Variants in PI15 observed in about 807,000 individuals in gnomAD.
The protein encoded by PI15 is peptidase inhibitor 15.
Under a neutral mutation model 31.0 loss-of-function variants are expected in PI15, and 18 were observed. The observed-to-expected ratio is 0.58, with a 90% CI of 0.40 to 0.86. The LOEUF is 0.86. PI15 is among the 40% of genes least tolerant of loss of function. PI15 has a pLI of 0.00. For synonymous variants in PI15, 118 were observed against 119.1 expected, an observed-to-expected ratio of 0.99 and a Z score of 0.06; for missense variants, 282 against 328.1, an observed-to-expected ratio of 0.86 and a Z score of 1.09.
At position 74,825,529 on chromosome 8, in the gene PI15, A is replaced by G. The variant is rs1810685632; in HGVS notation, c.273+7A>G. The stretch of plus-strand genomic sequence containing the variant: ...AGCAAATATGGAATATATGGTAAGA[A>G]GAATTCTTTTTTTTTTTTTTAAGTT... On this transcript the variant is annotated splice_region_variant and intron_variant, in intron 2 of 5. Transcript: ENST00000260113. 6.3e-7 allele frequency: 1 copy of G among 1,585,218 alleles called. No homozygotes were observed. Among genetic ancestry groups the G allele is most frequent in the Admixed American group, 1.7e-5 (1 of 57,192 alleles).
intron 2 of PI15, among the ~76,000 whole-genome samples, chr8:74,832,469 G>C (rs1431568272): frequency 6.6e-6 from 1 of 151,858 alleles, no homozygotes; most frequent in Non-Finnish European, 1.5e-5. Flanking sequence ...AGACAGCATA[G>C]GTGCATTATT....
In PI15 at chr8:74,850,724, A is replaced by G. The variant is rs1343320995; in HGVS notation, c.*1471A>G. On this transcript the variant is annotated 3_prime_UTR_variant, in exon 6 of 6. Coordinates refer to ENST00000260113, the MANE Select transcript of PI15 (RefSeq NM_015886.5). ...TTATGGAAATCCATTCAAAGTCACT[A>G]TGAAAATTTTACTCATGTAGTTTGG... The G allele has an allele frequency of 6.6e-6, 1 of 152,178 alleles. No homozygotes were observed. Among genetic ancestry groups the G allele is most frequent in the African/African-American group, 2.4e-5 (1 of 41,460 alleles). The allele number at this position is 152,178 out of a possible 1,614,324, so 9.4% of individuals were successfully genotyped here.
intron 3 of PI15, 91 bp from the exon 4 acceptor site, chr8:74,845,037 T>TA: frequency 9.0e-7 from 1 of 1,106,250 alleles, no homozygotes; most frequent in Non-Finnish European, 1.3e-6. Flanking sequence ...ATGAATAATC[T>TA]GCAAAAAGAA....
intron 5 of PI15, among the ~76,000 whole-genome samples, chr8:74,848,900 A>T (rs1811064271): frequency 6.6e-6 from 1 of 151,700 alleles, no homozygotes; most frequent in African/African-American, 2.4e-5. Context: ...CGCCCAGCTA[A>T]TTTTTTGTAT....
At chr8:74,845,947 T>C (rs1264582932) in intron 5 of PI15, 1 of 158,510 alleles carries the variant, frequency 6.3e-6, no homozygotes, top group Admixed American at 5.9e-5. Context: ...AAATTCATAA[T>C]TTCATCCTAG....
intron 2 of PI15, among the ~76,000 whole-genome samples, chr8:74,843,527 A>G (rs2128765684): frequency 6.6e-6 from 1 of 152,286 alleles, no homozygotes; most frequent in South Asian, 2.1e-4. Flanking sequence ...CAGGAGTTCC[A>G]GACCAGCCTG....
At chr8:74,848,726 T>TAGAGAGAG (rs1380012611) in intron 5 of PI15, among the ~76,000 whole-genome samples, 1 of 142,830 alleles carries the variant, frequency 7.0e-6, no homozygotes, top group African/African-American at 2.7e-5. Context: ...TATATATATA[T>TAGAGAGAG]ATATATAGAG....
In PI15 at chr8:74,845,209, C is replaced by T; in HGVS notation, c.474C>T (p.Asn158=). The change falls in exon 4 of 6, where the codon AAC becomes AAT. Residue 158 remains asparagine, a synonymous_variant. Coordinates refer to ENST00000260113, the MANE Select transcript of PI15 (RefSeq NM_015886.5). The stretch of plus-strand genomic sequence containing the variant: ...CTTTTCCATATCCCCAGGATTGCAA[C>T]CCCAGATGTCCTATGAGATGTTTTG... The part of the protein sequence containing the change: ...DYAFPYPQDC[N]PRCPMRCFGP... The T allele has an allele frequency of 6.2e-7, 1 of 1,612,936 alleles. No homozygotes were observed. The highest frequency in any genetic ancestry group is 1.3e-5 in the African/African-American group (1 of 75,010).
intron 2 of PI15, among the ~76,000 whole-genome samples, chr8:74,826,741 C>T (rs549206208): frequency 6.6e-6 from 1 of 152,156 alleles, no homozygotes; most frequent in East Asian, 1.9e-4. Flanking sequence ...GTTTCATTTT[C>T]ATCATCTCTA....
intron 2 of PI15, among the ~76,000 whole-genome samples, chr8:74,827,316 G>A (rs561139020): frequency 2.0e-5 from 3 of 152,188 alleles, no homozygotes; most frequent in African/African-American, 7.2e-5. Flanking sequence ...AGGTCAGAGC[G>A]TTCACCACGA....
chr8:74,828,236 T>C (rs1190566265), intron 2 of PI15, among the ~76,000 whole-genome samples: 1 of 151,736 alleles, frequency 6.6e-6, no homozygotes, highest in Non-Finnish European at 1.5e-5. Flanking sequence ...CAAGGAAGAG[T>C]CACTGAAAGA....
At chr8:74,841,292 A>G (rs1810941701) in intron 2 of PI15, among the ~76,000 whole-genome samples, 1 of 152,198 alleles carries the variant, frequency 6.6e-6, no homozygotes, top group South Asian at 2.1e-4. Context: ...AGGCCAATAG[A>G]ACACAGGTCT....
chr8:74,838,362 CA>C (rs1810899326), intron 2 of PI15, among the ~76,000 whole-genome samples: 1 of 151,952 alleles, frequency 6.6e-6, no homozygotes, highest in African/African-American at 2.4e-5. Context: ...TTAGTAATAT[CA>C]AATAAGATCA....
intron 2 of PI15, among the ~76,000 whole-genome samples, chr8:74,827,282 C>T (rs1810713425): frequency 6.6e-6 from 1 of 151,956 alleles, no homozygotes; most frequent in South Asian, 2.1e-4. Flanking sequence ...TCAAAGAATG[C>T]AATTCACTAT....
In PI15 at chr8:74,832,146, T is replaced by C. The variant is rs144031954; in HGVS notation, c.273+6624T>C. On this transcript the variant is annotated intron_variant, in intron 2 of 5. Coordinates refer to ENST00000260113, the MANE Select transcript of PI15 (RefSeq NM_015886.5). Reference sequence around the variant, plus strand: ...AACCGTGAAATATGTAAGGTACAAATCCATAGGAGTAAGTGGTTTACATGA... The same window carrying C: ...AACCGTGAAATATGTAAGGTACAAACCCATAGGAGTAAGTGGTTTACATGA... Among the ~76,000 whole-genome samples the C allele has an allele frequency of 9.8e-3, 1,491 of 152,192 alleles. 26 individuals carry two copies. Among genetic ancestry groups the C allele is most frequent in the African/African-American group, 0.033 (1,387 of 41,530 alleles).
Position 74,854,156 on chromosome 8 carries a change from A to T in PI15, c.*4903A>T, listed in dbSNP as rs1811147233. The stretch of plus-strand genomic sequence containing the variant: ...AAAATGTATGCAAAAGCTTAGGATT[A>T]TATCATGTGTAACTATTATAGATAA... On this transcript the variant is annotated 3_prime_UTR_variant, in exon 6 of 6. Coordinates refer to ENST00000260113, the MANE Select transcript of PI15 (RefSeq NM_015886.5). 1 of 152,074 alleles carries T rather than the reference A, an allele frequency of 6.6e-6. No individual in the cohort carries two copies. The highest frequency in any genetic ancestry group is 1.5e-5 in the Non-Finnish European group (1 of 67,934). The allele number at this position is 152,074 out of a possible 1,614,324, so 9.4% of individuals were successfully genotyped here.
intron 5 of PI15, among the ~76,000 whole-genome samples, chr8:74,848,714 AATAT>A (rs148483473): frequency 0.021 from 2,932 of 142,740 alleles, 46 homozygotes; most frequent in African/African-American, 0.027. Context: ...AATATATATA[AATAT>A]ATATATATAT....
intron 2 of PI15, among the ~76,000 whole-genome samples, chr8:74,833,236 C>T (rs1219541622): frequency 2.0e-5 from 3 of 152,020 alleles, no homozygotes; most frequent in African/African-American, 7.3e-5. Flanking sequence ...CTGGTGGGTA[C>T]TATAGTTCCC....
At chr8:74,844,979 C>G in intron 3 of PI15, 149 bp from the exon 4 acceptor site, 1 of 667,856 alleles carries the variant, frequency 1.5e-6, no homozygotes, top group East Asian at 2.6e-5. Context: ...GAGGACCCGA[C>G]TAGGTGGTGA....
Sources: gnomAD v4.1 joint callset for allele counts (sites outside exome capture counted in the v4.1 genomes callset) on GRCh38, gnomAD v4.1.1 for gene constraint, MANE v1.5 for transcripts, NCBI Gene and HGNC (gene_info 2026-07-23, HGNC 2026-07-21) for gene names.